The following CDH8 variants were observed in gnomAD, a reference collection of about 807,000 sequenced individuals.
CDH8 encodes cadherin-8.
CDH8 carries 17 observed loss-of-function variants against 68.1 expected under a neutral mutation model. The ratio of observed to expected loss-of-function variants is 0.25; its 90% CI spans 0.17 to 0.37. The LOEUF (loss-of-function observed/expected upper bound fraction) is 0.37. Ranked by LOEUF, CDH8 falls within the 10% of genes least tolerant of loss-of-function variation. The probability of loss-of-function intolerance (pLI) is 1.00; values close to 1 mark genes in which losing one functional copy is unlikely to be tolerated. For missense variants in CDH8, 763 were observed against 999.3 expected (o/e 0.76, Z 3.19); for synonymous variants, 372 against 365.1 (o/e 1.02, Z -0.21).
chr16:62,025,780 T>C (rs977813729), intron 1 of CDH8, among the ~76,000 whole-genome samples: 1 of 152,138 alleles, frequency 6.6e-6, no homozygotes, highest in Non-Finnish European at 1.5e-5. Flanking sequence ...ACGAGGTTAA[T>C]AGCAAACACT....
At position 61,801,013 on chromosome 16, in the gene CDH8, G is replaced by A. The variant is rs377767314; in HGVS notation, c.1278-11531C>T. ...TGAGTATAATAATGTTAGATATCAT[G>A]GCTCAGCCTACACAAGCATCTTTGT... On this transcript the variant is annotated intron_variant, in intron 7 of 11. Transcript: ENST00000577390. Among the ~76,000 whole-genome samples, 3 of 151,956 alleles carry A rather than the reference G, an allele frequency of 2.0e-5. No homozygotes were observed. In the East Asian group the frequency reaches 5.8e-4, roughly 29 times the overall value.
intron 10 of CDH8, among the ~76,000 whole-genome samples, chr16:61,670,738 GGATA>G (rs957473343): frequency 2.0e-5 from 3 of 151,842 alleles, no homozygotes; most frequent in African/African-American, 7.3e-5. Flanking sequence ...ATGAAACCAT[GGATA>G]GCATTGAACC....
intron 2 of CDH8, among the ~76,000 whole-genome samples, chr16:61,974,250 G>A (rs1965398222): frequency 2.0e-5 from 3 of 152,194 alleles, no homozygotes; most frequent in Admixed American, 6.6e-5. Context: ...ATGAGTTTCA[G>A]TAGACATCTG....
intron 4 of CDH8, among the ~76,000 whole-genome samples, chr16:61,831,785 C>T (rs549218720): frequency 1.3e-4 from 20 of 151,792 alleles, no homozygotes; most frequent in Admixed American, 9.9e-4. Context: ...CACGGGTCTC[C>T]CAGATTGTGC....
At chr16:61,697,259 T>C (rs1291931661) in intron 10 of CDH8, among the ~76,000 whole-genome samples, 2 of 152,098 alleles carry the variant, frequency 1.3e-5, no homozygotes, top group Admixed American at 6.6e-5. Flanking sequence ...TTTTCAGGGT[T>C]CATTCTTTCC....
At chr16:61,902,775 C>T (rs1418861874) in intron 2 of CDH8, among the ~76,000 whole-genome samples, 1 of 152,220 alleles carries the variant, frequency 6.6e-6, no homozygotes, top group East Asian at 1.9e-4. Flanking sequence ...CCAAATGCAT[C>T]TAGATCTCCT....
At chr16:61,788,444 T>G (rs1961291364) in intron 8 of CDH8, among the ~76,000 whole-genome samples, 1 of 152,118 alleles carries the variant, frequency 6.6e-6, no homozygotes, top group Non-Finnish European at 1.5e-5. Context: ...TCTTGGAATT[T>G]ATTGTCTCCT....
chr16:61,951,374 G>T (rs577482740), intron 2 of CDH8, among the ~76,000 whole-genome samples: 3 of 151,762 alleles, frequency 2.0e-5, no homozygotes, highest in African/African-American at 7.3e-5. Context: ...TTAGCTGGGC[G>T]TGCTGGCGGG....
intron 4 of CDH8, among the ~76,000 whole-genome samples, chr16:61,848,384 T>C (rs541313118): frequency 6.6e-6 from 1 of 152,258 alleles, no homozygotes; most frequent in East Asian, 1.9e-4. Flanking sequence ...ACTCTAGCTA[T>C]GGTCAACACT....
At chr16:61,713,301 A>G (rs1964664585) in intron 10 of CDH8, among the ~76,000 whole-genome samples, 2 of 151,718 alleles carry the variant, frequency 1.3e-5, no homozygotes, top group Non-Finnish European at 3.0e-5. Flanking sequence ...AAGACTTAAC[A>G]ATAAATCAGT....
rs553138888 is a variant in CDH8 at position 61,716,491 on chromosome 16, A to G, written c.1537-2533T>C. On this transcript the variant is annotated intron_variant, in intron 9 of 11. Transcript: ENST00000577390. Reference sequence around the variant, plus strand: ...CTGGAACTACTGACTAAAAAGTCTCAGATTATAACTCAGCAATCTGTATTT... The same window carrying G: ...CTGGAACTACTGACTAAAAAGTCTCGGATTATAACTCAGCAATCTGTATTT... 7.9e-5 allele frequency among the ~76,000 whole-genome samples: 12 copies of G among 151,884 alleles called. No individual in the cohort carries two copies. In the South Asian group the frequency reaches 1.7e-3, roughly 21 times the overall value.
intron 5 of CDH8, among the ~76,000 whole-genome samples, chr16:61,823,689 T>A (rs1180436894): frequency 6.6e-6 from 1 of 151,932 alleles, no homozygotes; most frequent in Non-Finnish European, 1.5e-5. Flanking sequence ...TTAAATGGCC[T>A]CCTAATGATC....
chr16:61,931,400 T>G (rs1964537875), intron 2 of CDH8, among the ~76,000 whole-genome samples: 1 of 152,120 alleles, frequency 6.6e-6, no homozygotes, highest in Non-Finnish European at 1.5e-5. Context: ...GGTCTCAAAC[T>G]CCTGGCTTCA....
At position 61,815,107 on chromosome 16, in the gene CDH8, A is replaced by G. The variant is rs142337615; in HGVS notation, c.1277+2372T>C. Among the ~76,000 whole-genome samples, 5 of 152,314 alleles carry G rather than the reference A, an allele frequency of 3.3e-5. 1 individual carries two copies. The East Asian group carries it at 5.8e-4, about 18-fold the overall frequency. ...AAGAACTAGCACTTGCCTGACATCTATCAGAAGCACAGATATGCCTGTGTC... is the reference window on the plus strand; with the variant it reads ...AAGAACTAGCACTTGCCTGACATCTGTCAGAAGCACAGATATGCCTGTGTC... On this transcript the variant is annotated intron_variant, in intron 7 of 11. Coordinates refer to ENST00000577390, the MANE Select transcript of CDH8 (RefSeq NM_001796.5).
intron 10 of CDH8, among the ~76,000 whole-genome samples, chr16:61,658,884 T>C (rs1963502083): frequency 6.6e-6 from 1 of 152,174 alleles, no homozygotes; most frequent in Non-Finnish European, 1.5e-5. Flanking sequence ...TTCTTCAATA[T>C]ATGTCAGTGA....
At chr16:61,944,798 C>G (rs930511343) in intron 2 of CDH8, among the ~76,000 whole-genome samples, 1 of 152,198 alleles carries the variant, frequency 6.6e-6, no homozygotes, top group East Asian at 1.9e-4. Context: ...ATAAATAAGA[C>G]CAATGCAACA....
At chr16:61,956,979 T>G (rs1180559217) in intron 2 of CDH8, among the ~76,000 whole-genome samples, 2 of 152,222 alleles carry the variant, frequency 1.3e-5, no homozygotes, top group East Asian at 3.8e-4. Flanking sequence ...GAACATTAGA[T>G]GTACCTGGGT....
intron 2 of CDH8, among the ~76,000 whole-genome samples, chr16:62,014,136 A>C (rs1253043333): frequency 1.3e-5 from 2 of 152,326 alleles, no homozygotes; most frequent in Non-Finnish European, 2.9e-5. Flanking sequence ...GCTCATGAAC[A>C]AACTAAGCTA....
At position 61,653,115 on chromosome 16, in the gene CDH8, A is replaced by G; in HGVS notation, c.*493T>C. On this transcript the variant is annotated 3_prime_UTR_variant, in exon 12 of 12. Transcript: ENST00000577390. ...AGGCCTCTCAAAACTCCAAAAAGTT[A>G]TAATGTACAGCAGACCAAGTATTGC... The G allele has an allele frequency of 8.0e-7, 1 of 1,257,258 alleles. No individual in the cohort carries two copies. Among genetic ancestry groups the G allele is most frequent in the Non-Finnish European group, 1.0e-6 (1 of 1,002,128 alleles). 77.9% of individuals were successfully genotyped at this position (1,257,258 alleles called of 1,614,324 possible).
Sources: allele counts gnomAD v4.1 joint callset (sites outside exome capture counted in the v4.1 genomes callset), GRCh38; gene constraint gnomAD v4.1.1; transcripts MANE v1.5; gene names NCBI Gene and HGNC (gene_info 2026-07-23, HGNC 2026-07-21).